WWOX: variants seen among roughly 807,000 people sequenced by gnomAD.
WWOX encodes WW domain-containing oxidoreductase.
Under a neutral mutation model 46.2 loss-of-function variants are expected in WWOX, and 69 were observed. The observed-to-expected ratio is 1.49, with a 90% CI of 1.23 to 1.82. WWOX has a LOEUF of 1.82. Among genes scored for constraint, WWOX ranks in the 40% most tolerant of loss-of-function variants. The pLI, the probability that WWOX is intolerant of heterozygous loss-of-function variation, is 0.00. For missense variants in WWOX, 919 were observed against 542.6 expected, an observed-to-expected ratio of 1.69 and a Z score of -6.89; for synonymous variants, 359 against 202.6, an observed-to-expected ratio of 1.77 and a Z score of -6.56.
chr16:79,138,223 C>T (rs560297001), intron 8 of WWOX, among the ~76,000 whole-genome samples: 1 of 152,218 alleles, frequency 6.6e-6, no homozygotes, highest in African/African-American at 2.4e-5. Context: ...GGGAGTCATT[C>T]CAGTTGGGGA....
chr16:78,800,342 G>C (rs901917289), intron 8 of WWOX, among the ~76,000 whole-genome samples: 2 of 152,038 alleles, frequency 1.3e-5, no homozygotes, highest in African/African-American at 4.8e-5. Flanking sequence ...TTAACACAAA[G>C]ACAAATATGT....
chr16:78,459,478 G>C (rs1567585801), intron 8 of WWOX, among the ~76,000 whole-genome samples: 1 of 152,062 alleles, frequency 6.6e-6, no homozygotes, highest in African/African-American at 2.4e-5. Flanking sequence ...AACTATCAAG[G>C]TCATGCGGTA....
intron 8 of WWOX, among the ~76,000 whole-genome samples, chr16:78,539,403 A>G (rs182176437): frequency 6.6e-6 from 1 of 152,340 alleles, no homozygotes; most frequent in South Asian, 2.1e-4. Context: ...CTTAGAAAAC[A>G]TACAGCATTA....
At chr16:78,495,214 C>T (rs1412158459) in intron 8 of WWOX, among the ~76,000 whole-genome samples, 1 of 134,140 alleles carries the variant, frequency 7.5e-6, no homozygotes, top group African/African-American at 2.7e-5. Flanking sequence ...GATCTCGGCT[C>T]ACTGCAACTT....
At chr16:78,720,381 G>C (rs1282865350) in intron 8 of WWOX, among the ~76,000 whole-genome samples, 1 of 145,682 alleles carries the variant, frequency 6.9e-6, no homozygotes, top group South Asian at 2.1e-4. Flanking sequence ...AATTTTGCTT[G>C]CCAATGGTCA....
In WWOX at chr16:79,212,402, C is replaced by CATAG. The variant is rs915399155; in HGVS notation, c.*608_*611dup. The CATAG allele has an allele frequency of 7.0e-6, 3 of 430,054 alleles. No individual in the cohort carries two copies. Among genetic ancestry groups the CATAG allele is most frequent in the African/African-American group, 5.8e-5 (3 of 51,352 alleles). The allele number at this position is 430,054 out of a possible 1,614,324, so 26.6% of individuals were successfully genotyped here. On this transcript the variant is annotated 3_prime_UTR_variant, in exon 9 of 9. Transcript: ENST00000566780. Reference sequence around the variant, plus strand: ...AACTACCAGGTGGCAAAGTACTTGTCATAGACTCCTTTGCTAATGCTATGC... The same window carrying CATAG: ...AACTACCAGGTGGCAAAGTACTTGTCATAGATAGACTCCTTTGCTAATGCTATGC...
At chr16:79,134,589 T>A (rs574602935) in intron 8 of WWOX, among the ~76,000 whole-genome samples, 4 of 152,156 alleles carry the variant, frequency 2.6e-5, no homozygotes, top group Non-Finnish European at 5.9e-5. Flanking sequence ...AGTAGATTTT[T>A]TATAAATGCA....
chr16:78,555,076 G>C (rs901111643), intron 8 of WWOX, among the ~76,000 whole-genome samples: 5 of 151,410 alleles, frequency 3.3e-5, no homozygotes, highest in Non-Finnish European at 7.4e-5. Context: ...GGGCCAGGGT[G>C]GGTTTGGAAG....
intron 8 of WWOX, among the ~76,000 whole-genome samples, chr16:78,571,303 C>T (rs533173183): frequency 1.3e-5 from 2 of 152,186 alleles, no homozygotes; most frequent in Admixed American, 6.5e-5. Flanking sequence ...CAAGGTCATA[C>T]ACCCAGTACA....
rs571029016 is a variant in WWOX, at chr16:78,643,998, A to C, written c.1056+211246A>C. On this transcript the variant is annotated intron_variant, in intron 8 of 8. Coordinates refer to ENST00000566780, the MANE Select transcript of WWOX (RefSeq NM_016373.4). ...AGCGCTTTGGGAGGCCAAGATGGGC[A>C]GATCACGTGAGGTCAGGAGTTTGAG... 7.2e-5 allele frequency among the ~76,000 whole-genome samples: 11 copies of C among 152,224 alleles called. No individual in the cohort carries two copies. The South Asian group carries it at 2.1e-3, about 29-fold the overall frequency.
At chr16:78,115,965 C>T (rs1490847103) in intron 4 of WWOX, among the ~76,000 whole-genome samples, 4 of 151,946 alleles carry the variant, frequency 2.6e-5, no homozygotes, top group Admixed American at 6.6e-5. Flanking sequence ...CCCTTGATGC[C>T]CTCCTCTACT....
At chr16:78,671,422 C>G (rs900711593) in intron 8 of WWOX, among the ~76,000 whole-genome samples, 4 of 152,244 alleles carry the variant, frequency 2.6e-5, no homozygotes, top group East Asian at 1.9e-4. Context: ...GAGACTGTGT[C>G]TCAAAAATTA....
chr16:78,542,140 G>A (rs1342563552), intron 8 of WWOX, among the ~76,000 whole-genome samples: 23 of 148,684 alleles, frequency 1.5e-4, no homozygotes, highest in Admixed American at 1.5e-3. Context: ...AATTTCTATC[G>A]ACACTAGACA....
chr16:78,245,978 G>C (rs753326811), intron 5 of WWOX, among the ~76,000 whole-genome samples: 1 of 152,198 alleles, frequency 6.6e-6, no homozygotes, highest in Non-Finnish European at 1.5e-5. Context: ...AGCATTCAAA[G>C]ACTAGGATGC....
Position 78,276,127 on chromosome 16 carries a change from T to C in WWOX, c.517-110733T>C, listed in dbSNP as rs143817049. On this transcript the variant is annotated intron_variant, in intron 5 of 8. Transcript: ENST00000566780. ...AAGGAGGTTACCAAAGCCGTTTTCATACACCTTAACTCATGAGTGGTAGTG... is the reference window on the plus strand; with the variant it reads ...AAGGAGGTTACCAAAGCCGTTTTCACACACCTTAACTCATGAGTGGTAGTG... Among the ~76,000 whole-genome samples, 424 of 152,334 alleles carry C rather than the reference T, an allele frequency of 2.8e-3. 2 individuals are homozygous for C. The highest frequency in any genetic ancestry group is 4.8e-3 in the Non-Finnish European group (329 of 68,032).
chr16:79,000,255 C>T (rs117247593), intron 8 of WWOX, among the ~76,000 whole-genome samples: 3 of 152,158 alleles, frequency 2.0e-5, no homozygotes, highest in African/African-American at 7.2e-5. Flanking sequence ...AAATTCTCCT[C>T]CTTCCTTTAG....
intron 8 of WWOX, among the ~76,000 whole-genome samples, chr16:78,850,270 G>C (rs893538685): frequency 2.0e-5 from 3 of 152,038 alleles, no homozygotes; most frequent in Non-Finnish European, 2.9e-5. Flanking sequence ...TCAGTATTTG[G>C]TTAACCCATT....
intron 8 of WWOX, among the ~76,000 whole-genome samples, chr16:78,489,059 A>G (rs971220485): frequency 9.9e-5 from 15 of 152,138 alleles, no homozygotes; most frequent in Non-Finnish European, 1.5e-4. Flanking sequence ...CAGGAGATCA[A>G]TAGTTATCTG....
At chr16:78,169,088 G>C (rs1192001754) in intron 5 of WWOX, among the ~76,000 whole-genome samples, 1 of 152,048 alleles carries the variant, frequency 6.6e-6, no homozygotes, top group Non-Finnish European at 1.5e-5. Context: ...CGGGGCAGTG[G>C]GGCTTGTTCC....
Sources: allele counts gnomAD v4.1 joint callset (sites outside exome capture counted in the v4.1 genomes callset), GRCh38; gene constraint gnomAD v4.1.1; transcripts MANE v1.5; gene names NCBI Gene and HGNC (gene_info 2026-07-23, HGNC 2026-07-21).